The following SPAG16 variants were observed in gnomAD, a reference collection of about 807,000 sequenced individuals.
SPAG16 encodes sperm-associated antigen 16 protein.
A neutral mutation model predicts 80.4 loss-of-function variants in SPAG16; 86 were observed. That is an observed-to-expected ratio of 1.07 (90% CI 0.90 to 1.28). The LOEUF (loss-of-function observed/expected upper bound fraction) is 1.28. SPAG16 is among the 50% of genes most tolerant of loss of function. The pLI is 0.00. For missense variants in SPAG16, 870 were observed against 765.3 expected, an observed-to-expected ratio of 1.14 and a Z score of -1.61; for synonymous variants, 294 against 265.9, an observed-to-expected ratio of 1.11 and a Z score of -1.03.
At chr2:213,973,565 A>G (rs2045198810) in intron 12 of SPAG16, among the ~76,000 whole-genome samples, 1 of 151,924 alleles carries the variant, frequency 6.6e-6, no homozygotes, top group Non-Finnish European at 1.5e-5. Context: ...ACTGCAGCAA[A>G]GCCATGGAGA....
intron 9 of SPAG16, among the ~76,000 whole-genome samples, chr2:213,383,220 T>C (rs2067263084): frequency 6.6e-6 from 1 of 152,196 alleles, no homozygotes; most frequent in Non-Finnish European, 1.5e-5. Context: ...ATAAACACTT[T>C]ATACATTATA....
At chr2:214,344,895 G>A (rs1697955807) in intron 15 of SPAG16, among the ~76,000 whole-genome samples, 1 of 152,100 alleles carries the variant, frequency 6.6e-6, no homozygotes, top group South Asian at 2.1e-4. Context: ...CTTCATTCAT[G>A]CACATTTGAC....
At chr2:214,207,883 A>T (rs1315328938) in intron 15 of SPAG16, among the ~76,000 whole-genome samples, 3 of 151,954 alleles carry the variant, frequency 2.0e-5, no homozygotes. Flanking sequence ...TGGACATCAG[A>T]CTCTAGGTTC....
intron 12 of SPAG16, among the ~76,000 whole-genome samples, chr2:213,956,207 C>G (rs2044124024): frequency 6.6e-6 from 1 of 151,824 alleles, no homozygotes; most frequent in South Asian, 2.1e-4. Flanking sequence ...CTGCCCGCCT[C>G]GGCCTCCCAA....
At chr2:214,232,815 G>A (rs1576555067) in intron 15 of SPAG16, among the ~76,000 whole-genome samples, 1 of 151,880 alleles carries the variant, frequency 6.6e-6, no homozygotes, top group Non-Finnish European at 1.5e-5. Context: ...AAATTCTGAT[G>A]TGGTATGATT....
At chr2:213,443,166 G>A (rs2071087241) in intron 9 of SPAG16, among the ~76,000 whole-genome samples, 1 of 152,036 alleles carries the variant, frequency 6.6e-6, no homozygotes, top group African/African-American at 2.4e-5. Flanking sequence ...TTTATATTTT[G>A]TGGTGAGAGT....
At chr2:213,852,226 G>A (rs960282352) in intron 10 of SPAG16, among the ~76,000 whole-genome samples, 2 of 152,212 alleles carry the variant, frequency 1.3e-5, no homozygotes, top group African/African-American at 4.8e-5. Flanking sequence ...CCATGATGAT[G>A]AGGAGCCGTA....
At chr2:213,467,986 C>T (rs2072799965) in intron 9 of SPAG16, among the ~76,000 whole-genome samples, 1 of 152,148 alleles carries the variant, frequency 6.6e-6, no homozygotes, top group African/African-American at 2.4e-5. Flanking sequence ...CTTCAGTCTC[C>T]TCCTGATCCC....
chr2:213,670,571 TC>T (rs1393882385), intron 10 of SPAG16, among the ~76,000 whole-genome samples: 1 of 152,076 alleles, frequency 6.6e-6, no homozygotes, highest in East Asian at 1.9e-4. Flanking sequence ...TCAAACTTTT[TC>T]TCCTTGAGTT....
intron 9 of SPAG16, among the ~76,000 whole-genome samples, chr2:213,402,107 G>A (rs2068340963): frequency 6.6e-6 from 1 of 151,746 alleles, no homozygotes. Context: ...TTTTCTAACT[G>A]GTTTTAGGAT....
intron 11 of SPAG16, among the ~76,000 whole-genome samples, chr2:213,870,427 T>G (rs940513529): frequency 6.6e-6 from 1 of 152,154 alleles, no homozygotes; most frequent in Admixed American, 6.5e-5. Context: ...GTATTATAGA[T>G]AAATAAATAA....
chr2:213,416,355 T>G (rs2069251892), intron 9 of SPAG16, among the ~76,000 whole-genome samples: 3 of 152,170 alleles, frequency 2.0e-5, no homozygotes, highest in African/African-American at 7.2e-5. Flanking sequence ...ATGATGAGAC[T>G]CGGGGTAGGG....
At chr2:213,433,101 T>A (rs947999043) in intron 9 of SPAG16, among the ~76,000 whole-genome samples, 10 of 152,120 alleles carry the variant, frequency 6.6e-5, no homozygotes, top group Admixed American at 6.6e-4. Context: ...AAGGAACATA[T>A]CTTCTATAAT....
chr2:213,589,246 A>G (rs1002428654), intron 10 of SPAG16, among the ~76,000 whole-genome samples: 6 of 152,204 alleles, frequency 3.9e-5, no homozygotes, highest in African/African-American at 1.4e-4. Context: ...ATTAGATCAC[A>G]ATGTGGATGA....
At chr2:214,409,618 C>T (rs186946025) in intron 15 of SPAG16, among the ~76,000 whole-genome samples, 2 of 152,054 alleles carry the variant, frequency 1.3e-5, no homozygotes, top group Admixed American at 6.5e-5. Context: ...ACTTCAGCTT[C>T]AAAAAAATTT....
At chr2:213,411,305 A>C (rs2068953485) in intron 9 of SPAG16, among the ~76,000 whole-genome samples, 1 of 152,226 alleles carries the variant, frequency 6.6e-6, no homozygotes, top group Non-Finnish European at 1.5e-5. Context: ...TTAAAGCCTA[A>C]AATCAAATAG....
intron 15 of SPAG16, among the ~76,000 whole-genome samples, chr2:214,323,927 G>T (rs1346104774): frequency 6.6e-6 from 1 of 152,272 alleles, no homozygotes; most frequent in East Asian, 1.9e-4. Flanking sequence ...TTCCAAACTT[G>T]AATTTTTTTG....
intron 10 of SPAG16, among the ~76,000 whole-genome samples, chr2:213,657,969 C>A (rs2063281016): frequency 6.6e-6 from 1 of 152,128 alleles, no homozygotes; most frequent in Non-Finnish European, 1.5e-5. Flanking sequence ...TACTCAGAAT[C>A]CATTCTCAAT....
chr2:213,460,222 A>T (rs2072283065), intron 9 of SPAG16, among the ~76,000 whole-genome samples: 1 of 152,064 alleles, frequency 6.6e-6, no homozygotes. Context: ...CAGTACCAGG[A>T]TTTGATTTTC....
Sources: gnomAD v4.1 joint callset for allele counts (sites outside exome capture counted in the v4.1 genomes callset) on GRCh38, gnomAD v4.1.1 for gene constraint, MANE v1.5 for transcripts, NCBI Gene and HGNC (gene_info 2026-07-23, HGNC 2026-07-21) for gene names.